KCNG2: variants seen among roughly 807,000 people sequenced by gnomAD.
The protein encoded by KCNG2 is potassium voltage-gated channel modifier subfamily G member 2.
KCNG2 carries 7 observed loss-of-function variants against 12.3 expected under a neutral mutation model. The observed-to-expected ratio is 0.57, with a 90% confidence interval of 0.32 to 1.07. The LOEUF (loss-of-function observed/expected upper bound fraction) is 1.07. KCNG2 is among the 50% of genes least tolerant of loss of function. The pLI is 0.04. For synonymous variants in KCNG2, 414 were observed against 351.4 expected (o/e 1.18, Z -1.99); for missense variants, 703 against 726.0 (o/e 0.97, Z 0.36).
At chr18:79,831,580 A>G (rs369465048) in intron 1 of KCNG2, among the ~76,000 whole-genome samples, 1,603 of 107,304 alleles carry the variant, frequency 0.015, 72 homozygotes, top group African/African-American at 0.022. Context: ...CTTCGTCAGG[A>G]GCGTGCCCTG....
chr18:79,842,563 T>G (rs1202537051), intron 1 of KCNG2, among the ~76,000 whole-genome samples: 2 of 152,012 alleles, frequency 1.3e-5, no homozygotes, highest in African/African-American at 4.8e-5. Context: ...AATAATAATC[T>G]TAAAGAAGCT....
chr18:79,846,670 T>C (rs1031457348), intron 1 of KCNG2, among the ~76,000 whole-genome samples: 8 of 152,160 alleles, frequency 5.3e-5, no homozygotes, highest in Admixed American at 4.6e-4. Flanking sequence ...AAATAAAAAA[T>C]TCATTGGCAC....
intron 3 of KCNG2, among the ~76,000 whole-genome samples, chr18:79,882,537 C>T (rs1418774129): frequency 6.6e-6 from 1 of 152,248 alleles, no homozygotes; most frequent in Non-Finnish European, 1.5e-5. Context: ...TTTGAACAGA[C>T]ACTTCACCAA....
At chr18:79,893,848 G>A (rs895858566) in intron 3 of KCNG2, among the ~76,000 whole-genome samples, 3 of 151,254 alleles carry the variant, frequency 2.0e-5, no homozygotes, top group Non-Finnish European at 2.9e-5. Flanking sequence ...CATTAATAAC[G>A]ATATAGTTGG....
At chr18:79,868,996 A>G (rs12958903) in intron 3 of KCNG2, among the ~76,000 whole-genome samples, 69,688 of 152,150 alleles carry the variant, frequency 0.46, 18,501 homozygotes, top group Middle Eastern at 0.6. Flanking sequence ...GGCTGAGTCC[A>G]GCCACCACAC....
chr18:79,866,888 C>CGTGTGCTGAGAGGTCT (rs1568262995), intron 3 of KCNG2, among the ~76,000 whole-genome samples: 8 of 30,052 alleles, frequency 2.7e-4, no homozygotes, highest in African/African-American at 6.4e-4. Flanking sequence ...CTGAGAGGTC[C>CGTGTGCTGAGAGGTCT]GTGTGCTGAG....
chr18:79,888,840 AT>A (rs113195725), intron 3 of KCNG2, among the ~76,000 whole-genome samples: 4 of 148,130 alleles, frequency 2.7e-5, no homozygotes, highest in Admixed American at 6.7e-5. Context: ...ACGCCCAGCT[AT>A]TTTTTTTTTG....
chr18:79,867,409 G>C (rs1979636444), intron 3 of KCNG2, among the ~76,000 whole-genome samples: 1 of 147,366 alleles, frequency 6.8e-6, no homozygotes, highest in South Asian at 2.2e-4. Context: ...AGCTCAGCAT[G>C]TGTCATGTCT....
At chr18:79,869,372 C>T (rs1304875798) in intron 3 of KCNG2, among the ~76,000 whole-genome samples, 1 of 152,188 alleles carries the variant, frequency 6.6e-6, no homozygotes, top group Admixed American at 6.5e-5. Flanking sequence ...AGGACATGCC[C>T]GTGCGTCCCC....
At position 79,864,450 on chromosome 18, in the gene KCNG2, G is replaced by C. The variant is rs77385159; in HGVS notation, c.624+159G>C. Reference sequence around the variant, plus strand: ...CGGGACTGGGGTGGGCCGGGGCCGGGCTGGAGGCGGCCGGGCTGAGGGAGC... The same window carrying C: ...CGGGACTGGGGTGGGCCGGGGCCGGCCTGGAGGCGGCCGGGCTGAGGGAGC... On this transcript the variant is annotated intron_variant, in intron 3 of 3. Transcript: ENST00000316249. Among the ~76,000 whole-genome samples the C allele has an allele frequency of 2.5e-4, 37 of 147,274 alleles. 1 individual carries two copies. The highest frequency in any genetic ancestry group is 9.1e-4 in the African/African-American group (37 of 40,520).
intron 3 of KCNG2, among the ~76,000 whole-genome samples, chr18:79,866,258 GTCTGTGTGCTGAGAGA>G (rs1332303291): frequency 6.9e-6 from 1 of 145,650 alleles, no homozygotes; most frequent in Non-Finnish European, 1.5e-5. Flanking sequence ...GTGCTGAGAG[GTCTGTGTGCTGAGAGA>G]TCTGTGTGAT....
rs182052916 is a variant in KCNG2 at position 79,800,457 on chromosome 18, C to T, written c.-115+2443C>T. ...GCCCAGCCGGTAGGCATGAGTCCAA[C>T]GAGGGCGGGCATTGACCGAGGTAGT... is the stretch of plus-strand genomic sequence containing the variant. On this transcript the variant is annotated intron_variant, in intron 1 of 3. Coordinates refer to ENST00000316249, the MANE Select transcript of KCNG2 (RefSeq NM_012283.2). The surrounding 1 kb of genome is among the most constrained non-coding windows in gnomAD (Gnocchi z 4.0). Among the ~76,000 whole-genome samples, 4 of 152,272 alleles carry T rather than the reference C, an allele frequency of 2.6e-5. No individual in the cohort carries two copies. The highest frequency in any genetic ancestry group is 3.9e-4 in the East Asian group (2 of 5,170).
rs1210325604 is a variant in KCNG2, at chr18:79,803,177, C to CA, written c.-115+5173dup. The stretch of plus-strand genomic sequence containing the variant: ...TGGGTGACAGAGCAAGACTCTGTCT[C>CA]AAAAAAAAAATAGTTAACACTCATG... On this transcript the variant is annotated intron_variant, in intron 1 of 3. Transcript: ENST00000316249. This position sits in a 1 kb window ranked among gnomAD's most constrained non-coding sequence, Gnocchi z 4.5. Among the ~76,000 whole-genome samples the CA allele has an allele frequency of 5.0e-3, 737 of 148,368 alleles. 6 individuals carry two copies. Among genetic ancestry groups the CA allele is most frequent in the South Asian group, 9.6e-3 (45 of 4,674 alleles).
In KCNG2 at chr18:79,899,782, C is replaced by T. The variant is rs752690222; in HGVS notation, c.1367C>T (p.Ser456Phe). The change falls in exon 4 of 4, where the codon TCC (serine) becomes TTC (phenylalanine). Residue 456 changes from serine (S) to phenylalanine (F), a missense_variant. Coordinates refer to ENST00000316249, the MANE Select transcript of KCNG2 (RefSeq NM_012283.2). ...GACAGCGCGGGCCTGGCCGACGACT[C>T]CGCGGATGCGCTGTGGGTGCGGGCA... is the stretch of plus-strand genomic sequence containing the variant. The part of the protein sequence containing the change: ...GPDSAGLADD[S>F]ADALWVRAGR 6.8e-7 allele frequency: 1 copy of T among 1,467,048 alleles called. No homozygotes were observed. Among genetic ancestry groups the T allele is most frequent in the South Asian group, 1.4e-5 (1 of 71,844 alleles). 90.9% of individuals were successfully genotyped at this position (1,467,048 alleles called of 1,614,324 possible). A position where few individuals can be genotyped will look rare whatever the true frequency, so the allele number is the denominator to read the frequency against.
chr18:79,841,102 T>C (rs1180600567), intron 1 of KCNG2, among the ~76,000 whole-genome samples: 1 of 152,028 alleles, frequency 6.6e-6, no homozygotes, highest in African/African-American at 2.4e-5. Flanking sequence ...AGGCCTTGTC[T>C]CTATGAAAAG....
chr18:79,833,490 T>C (rs933765765), intron 1 of KCNG2, among the ~76,000 whole-genome samples: 2 of 152,226 alleles, frequency 1.3e-5, no homozygotes, highest in African/African-American at 4.8e-5. Flanking sequence ...ATTTTAGTTG[T>C]GATTTTAATT....
intron 3 of KCNG2, among the ~76,000 whole-genome samples, chr18:79,898,004 C>A (rs531686395): frequency 1.3e-5 from 2 of 152,256 alleles, no homozygotes; most frequent in Non-Finnish European, 2.9e-5. Flanking sequence ...TTGCTCTGAC[C>A]CCAGGAGGGC....
chr18:79,896,832 A>G (rs1478738162), intron 3 of KCNG2, among the ~76,000 whole-genome samples: 1 of 152,134 alleles, frequency 6.6e-6, no homozygotes, highest in African/African-American at 2.4e-5. Context: ...TTCATTTTTC[A>G]GCAGTAACTT....
chr18:79,854,955 C>T (rs545454385), intron 1 of KCNG2, among the ~76,000 whole-genome samples: 8 of 152,304 alleles, frequency 5.3e-5, no homozygotes, highest in Non-Finnish European at 8.8e-5. Context: ...GATCTTTCTA[C>T]GGTCAATCTT....
Sources: allele counts gnomAD v4.1 joint callset (sites outside exome capture counted in the v4.1 genomes callset), GRCh38; gene constraint gnomAD v4.1.1; non-coding constraint Gnocchi (gnomAD v3.1); transcripts MANE v1.5; gene names NCBI Gene and HGNC (gene_info 2026-07-23, HGNC 2026-07-21).